DPYD: variants seen among roughly 807,000 people sequenced by gnomAD.
DPYD encodes dihydropyrimidine dehydrogenase, also known as dihydropyrimidine dehydrogenase [NADP(+)].
A neutral mutation model predicts 116.2 loss-of-function variants in DPYD; 109 were observed. That is an observed-to-expected ratio of 0.94 (90% CI 0.80 to 1.10). The LOEUF is 1.10. DPYD is among the 50% of genes least tolerant of loss of function. The probability of loss-of-function intolerance (pLI) is 0.00; values close to 1 mark genes in which losing one functional copy is unlikely to be tolerated. For synonymous variants in DPYD, 440 were observed against 432.0 expected (o/e 1.02, Z -0.23); for missense variants, 1,302 against 1,254.5 (o/e 1.04, Z -0.57).
At chr1:97,447,087 T>C (rs1447871021) in intron 14 of DPYD, among the ~76,000 whole-genome samples, 1 of 152,172 alleles carries the variant, frequency 6.6e-6, no homozygotes, top group African/African-American at 2.4e-5. Context: ...TCATCAGCCA[T>C]CTCCTCTGGT....
At chr1:97,524,138 CAAG>C (rs1481887314) in intron 12 of DPYD, among the ~76,000 whole-genome samples, 1 of 151,980 alleles carries the variant, frequency 6.6e-6, no homozygotes, top group Admixed American at 6.6e-5. Context: ...GGGAGAAACC[CAAG>C]AAACTTATGG....
chr1:97,486,624 A>C (rs1403540215), intron 13 of DPYD, among the ~76,000 whole-genome samples: 4 of 152,180 alleles, frequency 2.6e-5, no homozygotes, highest in Non-Finnish European at 4.4e-5. Context: ...GATTCTGTAA[A>C]TAATGGGAAG....
intron 6 of DPYD, among the ~76,000 whole-genome samples, chr1:97,692,751 G>T (rs1661078564): frequency 6.6e-6 from 1 of 152,158 alleles, no homozygotes; most frequent in Non-Finnish European, 1.5e-5. Flanking sequence ...CATTTAGAAT[G>T]TGGTACGCAC....
intron 11 of DPYD, among the ~76,000 whole-genome samples, chr1:97,568,483 G>A (rs994422971): frequency 1.3e-5 from 2 of 152,012 alleles, no homozygotes; most frequent in Non-Finnish European, 2.9e-5. Context: ...AGAACAGGTA[G>A]ACTAAGTAAC....
intron 12 of DPYD, chr1:97,546,544 C>G: frequency 3.1e-6 from 5 of 1,597,144 alleles, no homozygotes; most frequent in Non-Finnish European, 4.3e-6. Flanking sequence ...AAGCATACAG[C>G]AAGAAGAGAG....
chr1:97,750,404 T>C (rs1664805215), intron 3 of DPYD, among the ~76,000 whole-genome samples: 1 of 152,134 alleles, frequency 6.6e-6, no homozygotes, highest in South Asian at 2.1e-4. Flanking sequence ...AAAAACAGTA[T>C]GTAGACAAAT....
intron 8 of DPYD, among the ~76,000 whole-genome samples, chr1:97,626,018 C>T (rs1380022120): frequency 1.3e-5 from 2 of 152,084 alleles, no homozygotes; most frequent in East Asian, 3.9e-4. Flanking sequence ...TTTCAAATAT[C>T]AAGGGTAGGA....
chr1:97,368,472 G>A (rs72728414), intron 16 of DPYD, among the ~76,000 whole-genome samples: 39,984 of 151,926 alleles, frequency 0.26, 5,445 homozygotes, highest in South Asian at 0.43. Flanking sequence ...TCCCAAGAGG[G>A]TTATATGACT....
rs1661019350 is a variant in DPYD at position 97,691,752 on chromosome 1, A to C, written c.727T>G (p.Phe243Val). The change falls in exon 7 of 23, where the codon TTT (phenylalanine) becomes GTT (valine). Residue 243 changes from phenylalanine (F) to valine (V), a missense_variant. By Grantham distance (50) the Phe-to-Val change is conservative. Coordinates refer to ENST00000370192, the MANE Select transcript of DPYD (RefSeq NM_000110.4). ...QFRLPYDVVN[F>V]EIELMKDLGV... ...AGGTCCTTCATTAGCTCAATCTCAA[A>C]ATTCACTACATCATACGGCAGCCGG... 6.2e-7 allele frequency: 1 copy of C among 1,613,646 alleles called. No homozygotes were observed. Among genetic ancestry groups the C allele is most frequent in the Non-Finnish European group, 8.5e-7 (1 of 1,179,812 alleles).
At chr1:97,629,712 T>C (rs1222142700) in intron 8 of DPYD, among the ~76,000 whole-genome samples, 1 of 151,930 alleles carries the variant, frequency 6.6e-6, no homozygotes, top group African/African-American at 2.4e-5. Flanking sequence ...CAAAAATGCA[T>C]AAAATGCTAG....
chr1:97,805,150 A>G (rs1668021018), intron 3 of DPYD, among the ~76,000 whole-genome samples: 1 of 151,946 alleles, frequency 6.6e-6, no homozygotes, highest in Non-Finnish European at 1.5e-5. Context: ...GGCAAAGCAA[A>G]TGAATTTGGG....
At position 97,679,258 on chromosome 1, in the gene DPYD, A is replaced by T. The variant is rs1571177606; in HGVS notation, c.763-76T>A. 6 of 808,188 alleles carry T rather than the reference A, an allele frequency of 7.4e-6. No individual in the cohort carries two copies. The East Asian group carries it at 1.7e-4, about 22-fold the overall frequency. The allele number at this position is 808,188 out of a possible 1,614,324, so 50.1% of individuals were successfully genotyped here. On this transcript the variant is annotated intron_variant, in intron 7 of 22. Transcript: ENST00000370192. ...AATCTTAATATTTAACATCAAAAAG[A>T]ATGAAAAGTCAGCCAAAAATTCTAT...
intron 11 of DPYD, among the ~76,000 whole-genome samples, chr1:97,556,802 G>A (rs2102116095): frequency 6.6e-6 from 1 of 151,492 alleles, no homozygotes; most frequent in African/African-American, 2.4e-5. Context: ...TGTGAATAAT[G>A]TCGCAATAAA....
intron 20 of DPYD, among the ~76,000 whole-genome samples, chr1:97,125,547 C>T (rs1236001819): frequency 6.6e-6 from 1 of 151,980 alleles, no homozygotes; most frequent in Middle Eastern, 3.2e-3. Flanking sequence ...ACTCAACAGG[C>T]CAGAATAAGC....
intron 4 of DPYD, among the ~76,000 whole-genome samples, chr1:97,739,745 C>CA (rs1482306848): frequency 6.6e-6 from 1 of 151,868 alleles, no homozygotes; most frequent in Non-Finnish European, 1.5e-5. Context: ...GCTCTCTTCA[C>CA]AAAAACAATA....
intron 14 of DPYD, among the ~76,000 whole-genome samples, chr1:97,403,256 G>A (rs1010261336): frequency 4.7e-4 from 72 of 152,036 alleles, no homozygotes; most frequent in African/African-American, 1.6e-3. Flanking sequence ...ACAATGAGTG[G>A]AGTTATCTAG....
At chr1:97,403,179 G>C (rs1489751375) in intron 14 of DPYD, among the ~76,000 whole-genome samples, 1 of 152,050 alleles carries the variant, frequency 6.6e-6, no homozygotes, top group Non-Finnish European at 1.5e-5. Context: ...GTCCTGATAA[G>C]GCTGTAATAA....
chr1:97,229,741 A>C (rs926800490), intron 19 of DPYD, among the ~76,000 whole-genome samples: 2 of 151,816 alleles, frequency 1.3e-5, no homozygotes, highest in Non-Finnish European at 1.5e-5. Context: ...AAATTCTCCT[A>C]GGTATTTTTT....
intron 3 of DPYD, among the ~76,000 whole-genome samples, chr1:97,758,842 GA>G (rs1235007401): frequency 6.6e-6 from 1 of 152,148 alleles, no homozygotes; most frequent in Non-Finnish European, 1.5e-5. Flanking sequence ...GTATAAGACA[GA>G]ATAACCAAAA....
Sources: gnomAD v4.1 joint callset for allele counts (sites outside exome capture counted in the v4.1 genomes callset) on GRCh38, gnomAD v4.1.1 for gene constraint, MANE v1.5 for transcripts, NCBI Gene and HGNC (gene_info 2026-07-23, HGNC 2026-07-21) for gene names.